Variants in KDM3A observed in about 807,000 individuals in gnomAD.
KDM3A encodes lysine-specific demethylase 3A.
A neutral mutation model predicts 158.0 loss-of-function variants in KDM3A; 60 were observed. That is an observed-to-expected ratio of 0.38 (90% CI 0.31 to 0.47). The LOEUF (loss-of-function observed/expected upper bound fraction) is 0.47, where lower values mean the gene tolerates loss of function less well. Ranked by LOEUF, KDM3A falls within the 20% of genes least tolerant of loss-of-function variation. The pLI is 0.99. For synonymous variants in KDM3A, 608 were observed against 549.3 expected (o/e 1.11, Z -1.49); for missense variants, 1,319 against 1,574.3 (o/e 0.84, Z 2.74).
intron 21 of KDM3A, chr2:86,487,057 T>A (rs887224232): frequency 1.3e-5 from 2 of 152,206 alleles, no homozygotes; most frequent in Non-Finnish European, 1.5e-5. Context: ...CAGAGACTGA[T>A]TAAAGCAGCT....
At chr2:86,471,805 T>C (rs1049658670) in intron 11 of KDM3A, among the ~76,000 whole-genome samples, 2 of 152,226 alleles carry the variant, frequency 1.3e-5, no homozygotes, top group African/African-American at 4.8e-5. Context: ...CATTTAGAGC[T>C]GTAATACTGT....
chr2:86,444,129 G>A (rs980684713), intron 2 of KDM3A, among the ~76,000 whole-genome samples: 3 of 152,080 alleles, frequency 2.0e-5, no homozygotes, highest in African/African-American at 7.2e-5. Context: ...TCCTCCCTCC[G>A]CCCCCATCCT....
At chr2:86,457,450 T>C (rs1414654629) in intron 8 of KDM3A, among the ~76,000 whole-genome samples, 1 of 152,180 alleles carries the variant, frequency 6.6e-6, no homozygotes, top group Non-Finnish European at 1.5e-5. Flanking sequence ...CGTGGCAAAT[T>C]TTTTTAGTGT....
chr2:86,485,090 T>C, intron 20 of KDM3A, 61 bp downstream of exon 20: 1 of 958,530 alleles, frequency 1.0e-6, no homozygotes, highest in Non-Finnish European at 1.6e-6. Context: ...TAAATTCTTT[T>C]TTGAGGTAGT....
intron 2 of KDM3A, 64 bp downstream of exon 2, chr2:86,442,297 G>C (rs1024368493): frequency 7.7e-5 from 112 of 1,456,046 alleles, no homozygotes; most frequent in Non-Finnish European, 9.8e-5. Flanking sequence ...CGCGACCATC[G>C]GTTCCCTCCT....
chr2:86,442,536 ATTT>A (rs1682776815), intron 2 of KDM3A: 1 of 247,448 alleles, frequency 4.0e-6, no homozygotes, highest in Non-Finnish European at 7.8e-6. Flanking sequence ...GAGGAGGAGT[ATTT>A]TTGTTAGCGT....
chr2:86,451,282 T>C, intron 4 of KDM3A, 69 bp downstream of exon 4: 1 of 987,966 alleles, frequency 1.0e-6, no homozygotes, highest in Middle Eastern at 2.6e-4. Flanking sequence ...AGAAGTAAAG[T>C]ACAGTTGAAC....
intron 2 of KDM3A, among the ~76,000 whole-genome samples, chr2:86,449,215 G>A (rs1048139696): frequency 6.6e-6 from 1 of 152,136 alleles, no homozygotes; most frequent in Non-Finnish European, 1.5e-5. Flanking sequence ...TTAATCACTC[G>A]TTTCTATGTT....
Position 86,455,551 on chromosome 2 carries a change from C to T in KDM3A, c.556+364C>T, listed in dbSNP as rs1672654092. On this transcript the variant is annotated intron_variant, in intron 5 of 25. Coordinates refer to ENST00000312912, the MANE Select transcript of KDM3A (RefSeq NM_018433.6). ...CGCCGGGCCATTTCTTACTTTTTTT[C>T]TAAAATAAATTTTTAAGAAATTTAA... Among the ~76,000 whole-genome samples, 3 of 151,950 alleles carry T rather than the reference C, an allele frequency of 2.0e-5. No individual in the cohort carries two copies. In the South Asian group the frequency reaches 6.2e-4, roughly 32 times the overall value.
At chr2:86,449,562 G>C (rs1182981279) in intron 2 of KDM3A, among the ~76,000 whole-genome samples, 1 of 152,118 alleles carries the variant, frequency 6.6e-6, no homozygotes, top group African/African-American at 2.4e-5. Context: ...TTTACTTTAG[G>C]GACACAGACT....
At position 86,470,436 on chromosome 2, in the gene KDM3A, AATCTGGGCATACTTGTTATGCTAGATC is replaced by A. The variant is rs765687227; in HGVS notation, c.1724+35_1724+61del. 35 of 1,585,012 alleles carry A rather than the reference AATCTGGGCATACTTGTTATGCTAGATC, an allele frequency of 2.2e-5. No homozygotes were observed. The African/African-American group carries it at 4.4e-4, about 20-fold the overall frequency. On this transcript the variant is annotated intron_variant, in intron 11 of 25. Transcript: ENST00000312912. The stretch of plus-strand genomic sequence containing the variant: ...GAGGCATTTTGGGAAAAGTTCAGAT[AATCTGGGCATACTTGTTATGCTAGATC>A]ATCTGGCATACTTTTGTTACTCTTT...
At chr2:86,468,661 A>G (rs1186062153) in intron 10 of KDM3A, among the ~76,000 whole-genome samples, 1 of 152,104 alleles carries the variant, frequency 6.6e-6, no homozygotes, top group East Asian at 1.9e-4. Context: ...AGCTGTGTCC[A>G]CTAGTACTGC....
intron 9 of KDM3A, among the ~76,000 whole-genome samples, chr2:86,464,930 AAGT>A (rs1396519683): frequency 6.6e-6 from 1 of 152,182 alleles, no homozygotes; most frequent in African/African-American, 2.4e-5. Flanking sequence ...CACTGGGAAA[AAGT>A]AGTCAGTCTG....
chr2:86,489,265 C>CTG, intron 21 of KDM3A, 53 bp from the exon 22 acceptor site: 1 of 1,586,182 alleles, frequency 6.3e-7, no homozygotes, highest in Non-Finnish European at 8.6e-7. Flanking sequence ...AGTGGAAAGA[C>CTG]TGTGGCAGCC....
chr2:86,457,004 C>A lies in KDM3A; in HGVS notation c.776C>A (p.Ala259Asp). 6.2e-7 allele frequency: 1 copy of A among 1,603,438 alleles called. No individual in the cohort carries two copies. Among genetic ancestry groups the A allele is most frequent in the Non-Finnish European group, 8.5e-7 (1 of 1,173,702 alleles). The change falls in exon 8 of 26, where the codon GCT becomes GAT. Residue 259 changes from alanine to aspartate, a missense_variant. By Grantham distance (126) the Ala-to-Asp change is moderately radical (BLOSUM62 -2). Coordinates refer to ENST00000312912, the MANE Select transcript of KDM3A (RefSeq NM_018433.6). ...VTCGNSARIG[A>D]VKRKSSENNG... ...TTAGGTAATTCTGCAAGAATTGGAG[C>A]TGTAAAACGCAAGTCTTCTGAGAAT...
rs749516154 is a variant in KDM3A, at chr2:86,478,715, T to C, written c.2296T>C (p.Ser766Pro). 1.5e-5 allele frequency: 24 copies of C among 1,613,984 alleles called. No individual in the cohort carries two copies. The highest frequency in any genetic ancestry group is 2.0e-5 in the Non-Finnish European group (24 of 1,179,906). Reference sequence around the variant, plus strand: ...ATTCAAACTCTTTTCAAAGCCAGCCTCAAAGGAAGACCTAAAACAGGTATT... The same window carrying C: ...ATTCAAACTCTTTTCAAAGCCAGCCCCAAAGGAAGACCTAAAACAGGTATT... ...RQFKLFSKPASKEDLKQTSLA... is the reference protein window; with the variant it reads ...RQFKLFSKPAPKEDLKQTSLA... Residue 766 changes from serine (S) to proline (P), a missense_variant, in exon 15 of 26, where the codon TCA (serine) becomes CCA (proline). By Grantham distance (74) the Ser-to-Pro change is moderately conservative. Transcript: ENST00000312912.
rs11431031 is a variant in KDM3A at position 86,456,416 on chromosome 2, ATTTTTTTTTT to A, written c.557-13_557-4del. 1.9e-6 allele frequency: 2 copies of A among 1,057,866 alleles called. No homozygotes were observed. The highest frequency in any genetic ancestry group is 2.5e-6 in the Non-Finnish European group (2 of 805,460). The allele number at this position is 1,057,866 out of a possible 1,614,324, so 65.5% of individuals were successfully genotyped here. ...GGGAGATAATGCAAATTGCTCTAAG[ATTTTTTTTTT>A]TTTTTTTTTTTTAAGGTGACAAAAA... is the stretch of plus-strand genomic sequence containing the variant. On this transcript the variant is annotated splice_polypyrimidine_tract_variant and intron_variant, in intron 5 of 25. Transcript: ENST00000312912.
intron 10 of KDM3A, among the ~76,000 whole-genome samples, chr2:86,469,992 A>C (rs1673327337): frequency 6.6e-6 from 1 of 152,208 alleles, no homozygotes; most frequent in Non-Finnish European, 1.5e-5. Context: ...GGATTGAGCA[A>C]ATAAGAATTG....
chr2:86,441,989 C>CT, intron 1 of KDM3A, 29 bp from the exon 2 acceptor site: 1 of 1,587,574 alleles, frequency 6.3e-7, no homozygotes, highest in Admixed American at 1.7e-5. Context: ...CGGCCGCCCC[C>CT]GTCGCATTTT....
Sources: allele counts gnomAD v4.1 joint callset (sites outside exome capture counted in the v4.1 genomes callset), GRCh38; gene constraint gnomAD v4.1.1; transcripts MANE v1.5; gene names NCBI Gene and HGNC (gene_info 2026-07-23, HGNC 2026-07-21).